The following TMEM43 variants were observed in gnomAD, a reference collection of about 807,000 sequenced individuals.
TMEM43 encodes arrhythmogenic right ventricular dysplasia 5.
A neutral mutation model predicts 49.6 loss-of-function variants in TMEM43; 45 were observed. That is an observed-to-expected ratio of 0.91 (90% confidence interval 0.71 to 1.16). The LOEUF (loss-of-function observed/expected upper bound fraction) is 1.16. TMEM43 is among the 50% of genes most tolerant of loss of function. The probability of loss-of-function intolerance (pLI) is 0.00; values close to 1 mark genes in which losing one functional copy is unlikely to be tolerated. For synonymous variants in TMEM43, 199 were observed against 207.8 expected (o/e 0.96, Z 0.36); for missense variants, 532 against 516.6 (o/e 1.03, Z -0.29).
At position 14,133,723 on chromosome 3, in the gene TMEM43, T is replaced by C; in HGVS notation, c.513-16T>C. On this transcript the variant is annotated splice_polypyrimidine_tract_variant and intron_variant, in intron 6 of 11. Transcript: ENST00000306077. ...CACACCGGTGCCCATCTCTGACAGC[T>C]TCCTCTCTCCCACAGTGCCATGGCA... 1.2e-6 allele frequency: 2 copies of C among 1,613,898 alleles called. No individual in the cohort carries two copies. The highest frequency in any genetic ancestry group is 1.1e-5 in the South Asian group (1 of 91,084).
Position 14,131,566 on chromosome 3 carries a change from G to A in TMEM43, c.298-14G>A. The A allele has an allele frequency of 1.2e-6, 2 of 1,612,852 alleles. No individual in the cohort carries two copies. The highest frequency in any genetic ancestry group is 1.7e-6 in the Non-Finnish European group (2 of 1,178,970). On this transcript the variant is annotated splice_polypyrimidine_tract_variant and intron_variant, in intron 3 of 11. Transcript: ENST00000306077. ...TATCCTTTATTTTTTTGGTTTCTTT[G>A]ATTCTGTTTGAAGCTTTTGTCTGAT...
Position 14,142,180 on chromosome 3 carries a change from T to G in TMEM43, c.*385T>G, listed in dbSNP as rs964644403. The G allele has an allele frequency of 1.3e-5, 4 of 296,508 alleles. No homozygotes were observed. Among genetic ancestry groups the G allele is most frequent in the African/African-American group, 2.2e-5 (1 of 46,298 alleles). 18.4% of individuals were successfully genotyped at this position (296,508 alleles called of 1,614,324 possible). On this transcript the variant is annotated 3_prime_UTR_variant, in exon 12 of 12. Coordinates refer to ENST00000306077, the MANE Select transcript of TMEM43 (RefSeq NM_024334.3). ...GGGCTCAGCCTTGCCGTGTGCTGCT[T>G]CTCATCACTGCACACAAGTGCCATG... is the stretch of plus-strand genomic sequence containing the variant.
rs376182664 is a variant in TMEM43 at position 14,131,626 on chromosome 3, T to C, written c.344T>C (p.Leu115Pro). The change falls in exon 4 of 12, where the codon CTG becomes CCG. Residue 115 changes from leucine to proline, a missense_variant. By Grantham distance (98) the Leu-to-Pro change is moderately conservative. Transcript: ENST00000306077. ...NYGVHLPAVK[L>P]RRHVEMYQWV... ...GGGGTCCATCTTCCGGCTGTGAAAC[T>C]GCGGAGGCACGTGGAGATGTACCAA... 3 of 1,614,200 alleles carry C rather than the reference T, an allele frequency of 1.9e-6. No homozygotes were observed. The highest frequency in any genetic ancestry group is 2.5e-6 in the Non-Finnish European group (3 of 1,180,032).
At chr3:14,133,077 C>T (rs531528770) in intron 6 of TMEM43, 142 bp downstream of exon 6, 1 of 733,868 alleles carries the variant, frequency 1.4e-6, no homozygotes. Context: ...AGACCAAGCC[C>T]TGTGCTGGGC....
In TMEM43 at chr3:14,125,894, C is replaced by T. The variant is rs1358914244; in HGVS notation, c.12+689C>T. ...GCCTTTCTCGGGAAACTATTTAAGC[C>T]CAACATTCATTCAACAAGCAGCGCC... On this transcript the variant is annotated intron_variant, in intron 1 of 11. Coordinates refer to ENST00000306077, the MANE Select transcript of TMEM43 (RefSeq NM_024334.3). 2.6e-5 allele frequency among the ~76,000 whole-genome samples: 4 copies of T among 152,264 alleles called. No homozygotes were observed. The East Asian group carries it at 7.7e-4, about 29-fold the overall frequency.
chr3:14,132,666 T>C, intron 5 of TMEM43, 71 bp downstream of exon 5: 1 of 1,562,184 alleles, frequency 6.4e-7, no homozygotes, highest in South Asian at 1.1e-5. Flanking sequence ...ACAGCAGGGC[T>C]GTTGGTGGGG....
Position 14,129,576 on chromosome 3 carries a change from G to A in TMEM43, c.162+15G>A. 1 of 1,613,916 alleles carries A rather than the reference G, an allele frequency of 6.2e-7. No individual in the cohort carries two copies. The highest frequency in any genetic ancestry group is 8.5e-7 in the Non-Finnish European group (1 of 1,179,930). Reference sequence around the variant, plus strand: ...TCACCAATGAGGTAAAATGTCTGGGGTCTTCCTGTGCAGAGTGAGAGTCCC... The same window carrying A: ...TCACCAATGAGGTAAAATGTCTGGGATCTTCCTGTGCAGAGTGAGAGTCCC... On this transcript the variant is annotated intron_variant, in intron 2 of 11. Coordinates refer to ENST00000306077, the MANE Select transcript of TMEM43 (RefSeq NM_024334.3).
intron 3 of TMEM43, 27 bp downstream of exon 3, chr3:14,130,983 G>A (rs749981656): frequency 1.9e-6 from 3 of 1,601,066 alleles, no homozygotes; most frequent in South Asian, 1.1e-5. Context: ...ATGCTGACCT[G>A]CCAGTGGCTC....
In TMEM43 at chr3:14,131,516, A is replaced by G. The variant is rs1215482605; in HGVS notation, c.298-64A>G. On this transcript the variant is annotated intron_variant, in intron 3 of 11. Coordinates refer to ENST00000306077, the MANE Select transcript of TMEM43 (RefSeq NM_024334.3). ...CTTCCAGTCCAGCTTCCCCTGAGCC[A>G]GGCTTTCTGGGCTGACGTGAATGTT... 5.0e-6 allele frequency: 7 copies of G among 1,408,466 alleles called. No homozygotes were observed. In the Admixed American group the frequency reaches 1.1e-4, roughly 22 times the overall value. The allele number at this position is 1,408,466 out of a possible 1,614,324, so 87.2% of individuals were successfully genotyped here. A position where few individuals can be genotyped will look rare whatever the true frequency, so the allele number is the denominator to read the frequency against.
chr3:14,125,775 C>T (rs1277303737), intron 1 of TMEM43, among the ~76,000 whole-genome samples: 4 of 152,172 alleles, frequency 2.6e-5, no homozygotes, highest in Admixed American at 6.5e-5. Flanking sequence ...GAGCATTTCT[C>T]TACTGTCGGG....
intron 11 of TMEM43, among the ~76,000 whole-genome samples, 179 bp downstream of exon 11, chr3:14,139,476 G>T (rs927771197): frequency 6.6e-6 from 1 of 152,224 alleles, no homozygotes; most frequent in African/African-American, 2.4e-5. Context: ...AGGAAGGCAG[G>T]CTTGAGGGCA....
chr3:14,135,569 C>T (rs1695157875), intron 9 of TMEM43, among the ~76,000 whole-genome samples: 1 of 152,232 alleles, frequency 6.6e-6, no homozygotes, highest in South Asian at 2.1e-4. Context: ...CAGTCCTGCC[C>T]CATCCCCTGC....
rs754236206 is a variant in TMEM43, at chr3:14,141,682, G to C, written c.1090G>C (p.Val364Leu). The C allele has an allele frequency of 1.2e-6, 2 of 1,614,166 alleles. No homozygotes were observed. The highest frequency in any genetic ancestry group is 1.7e-6 in the Non-Finnish European group (2 of 1,180,040). Reference sequence around the variant, plus strand: ...GGCCACCTCGCTGACCCTGCTGACCGTGGCGGCTGGCTGGCTCTTCTACCG... The same window carrying C: ...GGCCACCTCGCTGACCCTGCTGACCCTGGCGGCTGGCTGGCTCTTCTACCG... The part of the protein sequence containing the change: ...CVATSLTLLT[V>L]AAGWLFYRPL... The change falls in exon 12 of 12, where the codon GTG becomes CTG. Residue 364 changes from valine to leucine, a missense_variant. By Grantham distance (32) the Val-to-Leu change is conservative (BLOSUM62 1). Coordinates refer to ENST00000306077, the MANE Select transcript of TMEM43 (RefSeq NM_024334.3).
At position 14,139,270 on chromosome 3, in the gene TMEM43, C is replaced by A; in HGVS notation, c.973C>A (p.Leu325Ile). ...GATGGCCATGTTCATGGGCCTCAAC[C>A]TTATGACACGGATCCTCTACACCTT... ...GWMAMFMGLNLMTRILYTLVD... is the reference protein window; with the variant it reads ...GWMAMFMGLNIMTRILYTLVD... The change falls in exon 11 of 12, where the codon CTT becomes ATT. Residue 325 changes from leucine (L) to isoleucine (I), a missense_variant. Physicochemically the swap from Leu to Ile is conservative, Grantham distance 5 (BLOSUM62 2). Coordinates refer to ENST00000306077, the MANE Select transcript of TMEM43 (RefSeq NM_024334.3). 6.2e-7 allele frequency: 1 copy of A among 1,614,132 alleles called. No individual in the cohort carries two copies. Among genetic ancestry groups the A allele is most frequent in the African/African-American group, 1.3e-5 (1 of 75,054 alleles).
chr3:14,136,134 C>T (rs962134455), intron 10 of TMEM43: 26 of 629,698 alleles, frequency 4.1e-5, no homozygotes, highest in Non-Finnish European at 6.1e-5. Flanking sequence ...AATGAGATCT[C>T]TTGGGGATGA....
At chr3:14,129,295 T>C (rs1363635287) in intron 1 of TMEM43, 117 bp from the exon 2 acceptor site, 1 of 755,504 alleles carries the variant, frequency 1.3e-6, no homozygotes, top group Admixed American at 4.5e-5. Flanking sequence ...TTTTACCACA[T>C]ACAGTTAAAA....
At chr3:14,134,278 C>T (rs1695138655) in intron 7 of TMEM43, among the ~76,000 whole-genome samples, 1 of 152,240 alleles carries the variant, frequency 6.6e-6, no homozygotes, top group Non-Finnish European at 1.5e-5. Context: ...AAGGTGGCAC[C>T]ATGGGCCAGA....
Position 14,131,663 on chromosome 3 carries a change from T to C in TMEM43, c.381T>C (p.Thr127=), listed in dbSNP as rs778409275. The change falls in exon 4 of 12, where the codon ACT becomes ACC. Residue 127 remains threonine (T), a synonymous_variant. Coordinates refer to ENST00000306077, the MANE Select transcript of TMEM43 (RefSeq NM_024334.3). ...RHVEMYQWVE[T]EESREYTEDG... is the part of the protein sequence containing the mutation. ...TGGAGATGTACCAATGGGTAGAAACTGAGGAGTCCAGGTGAGCTGTTGGGG... is the reference window on the plus strand; with the variant it reads ...TGGAGATGTACCAATGGGTAGAAACCGAGGAGTCCAGGTGAGCTGTTGGGG... The C allele has an allele frequency of 1.4e-5, 22 of 1,613,574 alleles. No homozygotes were observed. The highest frequency in any genetic ancestry group is 1.8e-5 in the Non-Finnish European group (21 of 1,179,646).
intron 1 of TMEM43, among the ~76,000 whole-genome samples, chr3:14,125,880 G>A (rs2124982539): frequency 6.6e-6 from 1 of 152,288 alleles, no homozygotes; most frequent in South Asian, 2.1e-4. Flanking sequence ...CCTTTCTCGG[G>A]AAACTATTTA....
Sources: allele counts gnomAD v4.1 joint callset (sites outside exome capture counted in the v4.1 genomes callset), GRCh38; gene constraint gnomAD v4.1.1; transcripts MANE v1.5; gene names NCBI Gene and HGNC (gene_info 2026-07-23, HGNC 2026-07-21).